FANCL: variants seen among roughly 807,000 people sequenced by gnomAD.
The protein encoded by FANCL is FA complementation group L, also known as E3 ubiquitin-protein ligase FANCL.
In FANCL, 69 loss-of-function variants were observed where a neutral mutation model predicts 59.4. The ratio of observed to expected loss-of-function variants is 1.16; its 90% CI spans 0.96 to 1.42. FANCL has a LOEUF of 1.42. FANCL is among the 40% of genes most tolerant of loss of function. The pLI, the probability that FANCL is intolerant of heterozygous loss-of-function variation, is 0.00. For missense variants in FANCL, 519 were observed against 447.2 expected (o/e 1.16, Z -1.45); for synonymous variants, 180 against 147.1 (o/e 1.22, Z -1.62).
At chr2:58,214,863 AG>A (rs1409796635) in intron 5 of FANCL, among the ~76,000 whole-genome samples, 1 of 152,102 alleles carries the variant, frequency 6.6e-6, no homozygotes. Flanking sequence ...TTTACATTAT[AG>A]GAAGTCCATA....
At chr2:58,176,725 G>A (rs1687358868) in intron 7 of FANCL, among the ~76,000 whole-genome samples, 1 of 152,128 alleles carries the variant, frequency 6.6e-6, no homozygotes, top group African/African-American at 2.4e-5. Flanking sequence ...CATGGGCAAG[G>A]ACTTCATGTC....
At chr2:58,175,454 T>A (rs1352737013) in intron 7 of FANCL, among the ~76,000 whole-genome samples, 1 of 151,510 alleles carries the variant, frequency 6.6e-6, no homozygotes, top group Admixed American at 6.5e-5. Context: ...GTGGGCTTCA[T>A]CCCTGGGATG....
intron 7 of FANCL, among the ~76,000 whole-genome samples, chr2:58,172,314 C>A (rs147217236): frequency 6.6e-6 from 1 of 152,214 alleles, no homozygotes; most frequent in Non-Finnish European, 1.5e-5. Flanking sequence ...GGGTTCTTGA[C>A]CCCTGACCCC....
chr2:58,204,130 C>G lies in FANCL; in HGVS notation c.471G>C (p.Lys157Asn). Reference sequence around the variant, plus strand: ...AATAACAGTTTAACGAGGCACATACCTTTGCCTTCAACTTGAGAGTGATTA... The same window carrying G: ...AATAACAGTTTAACGAGGCACATACGTTTGCCTTCAACTTGAGAGTGATTA... Reference protein sequence around the residue: ...EHLITLKLKAKYPAESPDYFV... With the variant: ...EHLITLKLKANYPAESPDYFV... The change falls in exon 6 of 14, where the codon AAG becomes AAC. Residue 157 changes from lysine (K) to asparagine (N), a missense_variant and splice_region_variant. Physicochemically the swap from Lys to Asn is moderately conservative, Grantham distance 94. Coordinates refer to ENST00000233741, the MANE Select transcript of FANCL (RefSeq NM_018062.4). The G allele has an allele frequency of 1.9e-6, 3 of 1,607,406 alleles. No homozygotes were observed. The highest frequency in any genetic ancestry group is 2.6e-6 in the Non-Finnish European group (3 of 1,174,158).
Position 58,180,897 on chromosome 2 carries a change from AATGAG to A in FANCL, c.541-15028_541-15024del, listed in dbSNP as rs201644508. Among the ~76,000 whole-genome samples, 897 of 152,146 alleles carry A rather than the reference AATGAG, an allele frequency of 5.9e-3. 11 individuals carry two copies. Among genetic ancestry groups the A allele is most frequent in the African/African-American group, 0.02 (845 of 41,524 alleles). ...AAAAAAAAGTGAGAGTACTAATATT[AATGAG>A]ATAACATTAAAATAATAAATGTTAA... On this transcript the variant is annotated intron_variant, in intron 7 of 13. Coordinates refer to ENST00000233741, the MANE Select transcript of FANCL (RefSeq NM_018062.4).
intron 7 of FANCL, among the ~76,000 whole-genome samples, chr2:58,190,603 T>C (rs1688837121): frequency 6.6e-6 from 1 of 151,866 alleles, no homozygotes; most frequent in African/African-American, 2.4e-5. Flanking sequence ...AAGTTAGCTA[T>C]ATCTAATTTT....
At chr2:58,162,684 C>G (rs1320165210) in intron 11 of FANCL, among the ~76,000 whole-genome samples, 182 bp downstream of exon 11, 2 of 151,804 alleles carry the variant, frequency 1.3e-5, no homozygotes, top group Non-Finnish European at 2.9e-5. Context: ...TCCCCCTGTT[C>G]CAAGAGACAG....
In FANCL at chr2:58,219,851, G is replaced by A. The variant is rs921922284; in HGVS notation, c.374+2091C>T. Among the ~76,000 whole-genome samples the A allele has an allele frequency of 1.2e-4, 19 of 152,062 alleles. 1 individual carries two copies. Among genetic ancestry groups the A allele is most frequent in the African/African-American group, 4.3e-4 (18 of 41,384 alleles). On this transcript the variant is annotated intron_variant, in intron 5 of 13. Coordinates refer to ENST00000233741, the MANE Select transcript of FANCL (RefSeq NM_018062.4). ...CATGACTTTTCTAGCATCTGAAACA[G>A]AATAAAACTTCTTTCATGGCTTCTC...
chr2:58,198,740 G>A lies in FANCL; in HGVS notation c.472-78C>T, dbSNP rs1470518318. On this transcript the variant is annotated intron_variant, in intron 6 of 13. Coordinates refer to ENST00000233741, the MANE Select transcript of FANCL (RefSeq NM_018062.4). ...CTGAGGTATTTTAGAAAAACTAGATGTATTAGGGGCCGGGCGCGGTGGCTC... is the reference window on the plus strand; with the variant it reads ...CTGAGGTATTTTAGAAAAACTAGATATATTAGGGGCCGGGCGCGGTGGCTC... The A allele has an allele frequency of 3.4e-6, 4 of 1,191,582 alleles. No homozygotes were observed. In the African/African-American group the frequency reaches 4.6e-5, roughly 14 times the overall value. The allele number at this position is 1,191,582 out of a possible 1,614,324, so 73.8% of individuals were successfully genotyped here.
intron 5 of FANCL, among the ~76,000 whole-genome samples, chr2:58,206,911 T>C (rs1227934800): frequency 1.3e-5 from 2 of 152,228 alleles, no homozygotes; most frequent in Non-Finnish European, 2.9e-5. Flanking sequence ...TGATTATTAA[T>C]AGGTTGAGTA....
At chr2:58,224,540 T>C (rs1692794237) in intron 4 of FANCL, among the ~76,000 whole-genome samples, 2 of 151,870 alleles carry the variant, frequency 1.3e-5, no homozygotes, top group South Asian at 2.1e-4. Flanking sequence ...AAGGTTCTTA[T>C]TAGCATTAAA....
chr2:58,193,544 T>G (rs1689142098), intron 7 of FANCL, among the ~76,000 whole-genome samples: 1 of 152,132 alleles, frequency 6.6e-6, no homozygotes, highest in Admixed American at 6.6e-5. Context: ...AATAATAAAT[T>G]TTCTTTGTTT....
intron 3 of FANCL, among the ~76,000 whole-genome samples, chr2:58,229,551 T>G (rs934767583): frequency 6.6e-6 from 1 of 152,118 alleles, no homozygotes; most frequent in African/African-American, 2.4e-5. Flanking sequence ...GAAAAATCAC[T>G]GAAGAAGTGA....
At chr2:58,233,717 A>G (rs1693775410) in intron 1 of FANCL, among the ~76,000 whole-genome samples, 1 of 152,064 alleles carries the variant, frequency 6.6e-6, no homozygotes, top group South Asian at 2.1e-4. Flanking sequence ...TGGGAGAGAG[A>G]CTGGGAGGAC....
chr2:58,232,824 G>A (rs1225547263), intron 1 of FANCL, among the ~76,000 whole-genome samples: 1 of 151,848 alleles, frequency 6.6e-6, no homozygotes, highest in Non-Finnish European at 1.5e-5. Flanking sequence ...AACTTAAATA[G>A]GATAATACAC....
intron 5 of FANCL, among the ~76,000 whole-genome samples, chr2:58,214,557 G>T (rs888862544): frequency 2.0e-5 from 3 of 152,118 alleles, no homozygotes; most frequent in African/African-American, 7.2e-5. Flanking sequence ...CACCTAGACT[G>T]AAGTGCAGTG....
chr2:58,239,696 A>C (rs1312374063), intron 1 of FANCL, among the ~76,000 whole-genome samples: 1 of 152,210 alleles, frequency 6.6e-6, no homozygotes, highest in Non-Finnish European at 1.5e-5. Context: ...TGTATGCTCA[A>C]GTATTTAGGG....
rs1685877484 is a variant in FANCL at position 58,165,792 on chromosome 2, T to C, written c.623A>G (p.Asp208Gly). The C allele has an allele frequency of 5.6e-6, 9 of 1,614,040 alleles. No individual in the cohort carries two copies. Among genetic ancestry groups the C allele is most frequent in the South Asian group, 1.1e-5 (1 of 91,080 alleles). ...TGGCTCAAGTACCCAGGTCTTCTCATCGATTTCATCCATAACATCCCAGAA... is the reference window on the plus strand; with the variant it reads ...TGGCTCAAGTACCCAGGTCTTCTCACCGATTTCATCCATAACATCCCAGAA... ...KAFWDVMDEI[D>G]EKTWVLEPEK... Residue 208 changes from aspartate to glycine, a missense_variant, in exon 8 of 14, where the codon GAT (aspartate) becomes GGT (glycine). By Grantham distance (94) the Asp-to-Gly change is moderately conservative (BLOSUM62 -1). Coordinates refer to ENST00000233741, the MANE Select transcript of FANCL (RefSeq NM_018062.4).
At chr2:58,171,718 C>T (rs1331542439) in intron 7 of FANCL, among the ~76,000 whole-genome samples, 3 of 152,150 alleles carry the variant, frequency 2.0e-5, no homozygotes, top group East Asian at 1.9e-4. Flanking sequence ...TCTGAGGTAC[C>T]GGGTTCATCT....
Sources: gnomAD v4.1 joint callset for allele counts (sites outside exome capture counted in the v4.1 genomes callset) on GRCh38, gnomAD v4.1.1 for gene constraint, MANE v1.5 for transcripts, NCBI Gene and HGNC (gene_info 2026-07-23, HGNC 2026-07-21) for gene names.